The following CRACD variants were observed in gnomAD, a reference collection of about 807,000 sequenced individuals.
CRACD encodes capping protein inhibiting regulator of actin dynamics.
Under a neutral mutation model 106.8 loss-of-function variants are expected in CRACD, and 56 were observed. The ratio of observed to expected loss-of-function variants is 0.52; its 90% CI spans 0.42 to 0.66. The LOEUF (loss-of-function observed/expected upper bound fraction) is 0.66, where lower values mean the gene tolerates loss of function less well. CRACD is among the 30% of genes least tolerant of loss of function. CRACD has a pLI of 0.00. For missense variants in CRACD, 1,730 were observed against 1,623.2 expected (o/e 1.07, Z -1.13); for synonymous variants, 754 against 670.8 (o/e 1.12, Z -1.92).
At chr4:56,069,518 G>T (rs1732564961) in intron 1 of CRACD, among the ~76,000 whole-genome samples, 1 of 152,204 alleles carries the variant, frequency 6.6e-6, no homozygotes, top group African/African-American at 2.4e-5. Context: ...GCTCATCCTG[G>T]CAGTTATCTG....
chr4:56,203,020 T>G (rs573215926), intron 2 of CRACD, among the ~76,000 whole-genome samples: 1 of 152,360 alleles, frequency 6.6e-6, no homozygotes, highest in East Asian at 1.9e-4. Context: ...ATTTCCTGAA[T>G]GATTCTTATA....
chr4:56,289,752 G>C (rs1400227590), intron 3 of CRACD, among the ~76,000 whole-genome samples: 1 of 151,746 alleles, frequency 6.6e-6, no homozygotes, highest in African/African-American at 2.4e-5. Flanking sequence ...TGCAATCGTG[G>C]GTGAACTGGA....
chr4:56,094,186 A>G (rs577357433), intron 1 of CRACD, among the ~76,000 whole-genome samples: 2 of 152,316 alleles, frequency 1.3e-5, no homozygotes, highest in Admixed American at 6.5e-5. Flanking sequence ...TGAAAACTAC[A>G]TTGGTTGATA....
intron 2 of CRACD, chr4:56,216,152 G>T (rs530585294): frequency 5.3e-5 from 8 of 152,166 alleles, no homozygotes; most frequent in Non-Finnish European, 1.2e-4. Flanking sequence ...GTCTTAAAGC[G>T]CCTCCAACTT....
Position 56,183,245 on chromosome 4 carries a change from T to TAAAATAAAATA in CRACD, c.-189+3819_-189+3829dup, listed in dbSNP as rs1736923389. Among the ~76,000 whole-genome samples the TAAAATAAAATA allele has an allele frequency of 2.9e-5, 3 of 103,776 alleles. No homozygotes were observed. The South Asian group carries it at 1.2e-3, about 43-fold the overall frequency. 68.1% of individuals were successfully genotyped at this position (103,776 alleles called of 152,430 possible). On this transcript the variant is annotated intron_variant, in intron 2 of 10. Transcript: ENST00000682029. ...TGAAACTCCGTCTCAAAAAATAAAA[T>TAAAATAAAATA]AAAATAAAATAAAATAAAATAAAAT... is the stretch of plus-strand genomic sequence containing the variant.
chr4:56,278,242 T>G (rs543143856), intron 3 of CRACD, among the ~76,000 whole-genome samples: 2 of 152,294 alleles, frequency 1.3e-5, no homozygotes, highest in Admixed American at 6.5e-5. Flanking sequence ...AGACTCACAC[T>G]TTCCATTTAA....
At position 56,239,635 on chromosome 4, in the gene CRACD, A is replaced by T. The variant is rs1231802595; in HGVS notation, c.-188-32686A>T. Among the ~76,000 whole-genome samples, 5 of 152,266 alleles carry T rather than the reference A, an allele frequency of 3.3e-5. No individual in the cohort carries two copies. The East Asian group carries it at 9.7e-4, about 29-fold the overall frequency. The stretch of plus-strand genomic sequence containing the variant: ...AATAAGCAGGACTGAACCTGGAGCA[A>T]ATTCAGGTTGTCTTTGCACCTTAAA... On this transcript the variant is annotated intron_variant, in intron 2 of 10. Coordinates refer to ENST00000682029, the MANE Select transcript of CRACD (RefSeq NM_001393381.1).
chr4:56,187,266 G>A (rs1737129071), intron 2 of CRACD, among the ~76,000 whole-genome samples: 3 of 152,098 alleles, frequency 2.0e-5, no homozygotes, highest in Admixed American at 1.3e-4. Flanking sequence ...GGAACACAAA[G>A]GGCAGCATAA....
intron 1 of CRACD, among the ~76,000 whole-genome samples, chr4:56,136,034 T>A (rs1249282831): frequency 6.6e-6 from 1 of 152,118 alleles, no homozygotes; most frequent in Admixed American, 6.5e-5. Flanking sequence ...TTTTTTTTTT[T>A]GGTGGAGCTT....
At position 56,327,115 on chromosome 4, in the gene CRACD, A is replaced by T. The variant is rs189377391; in HGVS notation, c.3542-529A>T. The stretch of plus-strand genomic sequence containing the variant: ...TTCTTCATGGAATTGACTGGTTATC[A>T]TGCAGGCATAGCTTCTTTATATAGA... On this transcript the variant is annotated intron_variant, in intron 10 of 10. Transcript: ENST00000682029. 6.4e-4 allele frequency among the ~76,000 whole-genome samples: 97 copies of T among 152,326 alleles called. 1 individual carries two copies. Among genetic ancestry groups the T allele is most frequent in the African/African-American group, 2.1e-3 (87 of 41,564 alleles).
intron 1 of CRACD, among the ~76,000 whole-genome samples, chr4:56,115,677 C>A (rs1326177322): frequency 3.3e-5 from 5 of 152,142 alleles, no homozygotes; most frequent in Non-Finnish European, 1.5e-5. Context: ...ATCAACTTCC[C>A]AGCCCATTGC....
chr4:56,303,724 C>G (rs1744503263), intron 4 of CRACD, among the ~76,000 whole-genome samples: 1 of 152,216 alleles, frequency 6.6e-6, no homozygotes, highest in Non-Finnish European at 1.5e-5. Flanking sequence ...GAGGCCTTGG[C>G]CTTGGCCTTG....
intron 1 of CRACD, among the ~76,000 whole-genome samples, chr4:56,130,020 T>C (rs553816961): frequency 7.9e-5 from 12 of 152,294 alleles, no homozygotes; most frequent in Non-Finnish European, 1.3e-4. Context: ...ATATGTGTAG[T>C]CATGGCACTT....
chr4:56,157,425 TAGA>T (rs1358142632), intron 1 of CRACD, among the ~76,000 whole-genome samples: 1 of 152,192 alleles, frequency 6.6e-6, no homozygotes, highest in Non-Finnish European at 1.5e-5. Flanking sequence ...TAATATCTAG[TAGA>T]AGATCAAGAA....
chr4:56,262,249 C>G (rs944774218), intron 2 of CRACD, among the ~76,000 whole-genome samples: 1 of 152,292 alleles, frequency 6.6e-6, no homozygotes, highest in Non-Finnish European at 1.5e-5. Context: ...ACCTGTAACA[C>G]TGCGTGTTGA....
intron 1 of CRACD, among the ~76,000 whole-genome samples, chr4:56,052,024 T>C (rs189361940): frequency 1.0e-3 from 153 of 152,352 alleles, no homozygotes; most frequent in African/African-American, 3.7e-3. Context: ...ATTTTCATTA[T>C]TTTAATGTAA....
chr4:56,189,526 C>T (rs938246947), intron 2 of CRACD, among the ~76,000 whole-genome samples: 1 of 146,604 alleles, frequency 6.8e-6, no homozygotes, highest in Non-Finnish European at 1.5e-5. Flanking sequence ...TTAGGTATAT[C>T]TCCTAATGCT....
intron 2 of CRACD, among the ~76,000 whole-genome samples, chr4:56,216,608 G>C (rs573992408): frequency 6.6e-6 from 1 of 152,232 alleles, no homozygotes; most frequent in Admixed American, 6.5e-5. Context: ...TCCTGGTTTG[G>C]CAAAAGTGGT....
chr4:56,205,368 TG>T (rs1331275682), intron 2 of CRACD, among the ~76,000 whole-genome samples: 1 of 152,136 alleles, frequency 6.6e-6, no homozygotes, highest in Non-Finnish European at 1.5e-5. Context: ...CCATCTGGCC[TG>T]GTATTCAGAC....
Sources: allele counts gnomAD v4.1 joint callset (sites outside exome capture counted in the v4.1 genomes callset), GRCh38; gene constraint gnomAD v4.1.1; transcripts MANE v1.5; gene names NCBI Gene and HGNC (gene_info 2026-07-23, HGNC 2026-07-21).